The following FBXL7 variants were observed in gnomAD, a reference collection of about 807,000 sequenced individuals.
FBXL7 encodes the protein F-box/LRR-repeat protein 7.
Under a neutral mutation model 38.3 loss-of-function variants are expected in FBXL7, and 12 were observed. The observed-to-expected ratio is 0.31, with a 90% CI of 0.20 to 0.51. FBXL7 has a LOEUF of 0.51. Among genes scored for constraint, FBXL7 ranks in the 20% least tolerant of loss-of-function variants. FBXL7 has a pLI of 0.98. For missense variants in FBXL7, 567 were observed against 676.4 expected, an observed-to-expected ratio of 0.84 and a Z score of 1.79; for synonymous variants, 297 against 300.9, an observed-to-expected ratio of 0.99 and a Z score of 0.13.
intron 1 of FBXL7, among the ~76,000 whole-genome samples, chr5:15,609,197 T>C (rs189817524): frequency 1.3e-3 from 199 of 152,272 alleles, no homozygotes; most frequent in Middle Eastern, 6.8e-3. Context: ...GGGCTGCCCA[T>C]TTCACCTGCA....
At chr5:15,895,054 A>C (rs1317498150) in intron 2 of FBXL7, among the ~76,000 whole-genome samples, 1 of 152,188 alleles carries the variant, frequency 6.6e-6, no homozygotes, top group Non-Finnish European at 1.5e-5. Context: ...GTGTTTCAAA[A>C]ATAGTTCAAA....
intron 2 of FBXL7, among the ~76,000 whole-genome samples, chr5:15,747,850 T>G (rs1339037150): frequency 6.6e-6 from 1 of 152,126 alleles, no homozygotes; most frequent in Non-Finnish European, 1.5e-5. Flanking sequence ...CCACCTCTGT[T>G]CCCCACCTGG....
At chr5:15,782,000 G>T (rs1035215629) in intron 2 of FBXL7, among the ~76,000 whole-genome samples, 3 of 151,994 alleles carry the variant, frequency 2.0e-5, no homozygotes, top group African/African-American at 7.3e-5. Flanking sequence ...CCACTGACAG[G>T]CCCCTGGTGT....
At chr5:15,774,197 C>G (rs778058168) in intron 2 of FBXL7, among the ~76,000 whole-genome samples, 1 of 151,884 alleles carries the variant, frequency 6.6e-6, no homozygotes, top group Non-Finnish European at 1.5e-5. Context: ...TTCCTATGAT[C>G]CTTTTCTCAC....
intron 2 of FBXL7, among the ~76,000 whole-genome samples, chr5:15,823,416 T>C (rs1738225367): frequency 6.6e-6 from 1 of 152,204 alleles, no homozygotes; most frequent in African/African-American, 2.4e-5. Flanking sequence ...TCAAAGCATG[T>C]GTAATCTCAC....
At chr5:15,842,578 T>C (rs1214143587) in intron 2 of FBXL7, among the ~76,000 whole-genome samples, 1 of 152,106 alleles carries the variant, frequency 6.6e-6, no homozygotes, top group East Asian at 1.9e-4. Flanking sequence ...TGTAATGATA[T>C]GGTTTGGATG....
chr5:15,513,601 A>C (rs1736858250), intron 1 of FBXL7, among the ~76,000 whole-genome samples: 1 of 152,176 alleles, frequency 6.6e-6, no homozygotes, highest in African/African-American at 2.4e-5. Context: ...GATGGATGTG[A>C]TGTCTCATTG....
intron 2 of FBXL7, among the ~76,000 whole-genome samples, chr5:15,874,541 C>G (rs1335167008): frequency 6.6e-6 from 1 of 152,166 alleles, no homozygotes; most frequent in East Asian, 1.9e-4. Context: ...CCAGAAACTC[C>G]TTAAGCTGAT....
At chr5:15,826,364 A>C (rs141819904) in intron 2 of FBXL7, among the ~76,000 whole-genome samples, 3 of 152,320 alleles carry the variant, frequency 2.0e-5, no homozygotes, top group African/African-American at 7.2e-5. Context: ...TAGCGTCTAT[A>C]GGGTGTAGAA....
chr5:15,609,777 G>C (rs1265145214), intron 1 of FBXL7, among the ~76,000 whole-genome samples: 4 of 152,236 alleles, frequency 2.6e-5, no homozygotes, highest in Non-Finnish European at 5.9e-5. Context: ...GGTTCTAGCT[G>C]CTGGCTGAGC....
intron 2 of FBXL7, among the ~76,000 whole-genome samples, chr5:15,650,980 T>C (rs1741688655): frequency 6.6e-6 from 1 of 152,222 alleles, no homozygotes; most frequent in Non-Finnish European, 1.5e-5. Context: ...CCTTGAGTCA[T>C]GTTCTTAATG....
chr5:15,810,675 T>C (rs766455536), intron 2 of FBXL7, among the ~76,000 whole-genome samples: 56 of 152,214 alleles, frequency 3.7e-4, no homozygotes, highest in Non-Finnish European at 5.6e-4. Context: ...GATTTGTCCA[T>C]TGAAAGCTGT....
Position 15,778,883 on chromosome 5 carries a change from A to C in FBXL7, c.128-149007A>C, listed in dbSNP as rs567222927. ...ATGAAAGGATAATCTTGCTAGGGAT[A>C]ATGTGTTTAATAGCAGAGCACCTTC... On this transcript the variant is annotated intron_variant, in intron 2 of 3. Coordinates refer to ENST00000504595, the MANE Select transcript of FBXL7 (RefSeq NM_012304.5). Among the ~76,000 whole-genome samples, 47 of 152,290 alleles carry C rather than the reference A, an allele frequency of 3.1e-4. No homozygotes were observed. In the South Asian group the frequency reaches 9.7e-3, roughly 32 times the overall value.
chr5:15,812,972 AT>A (rs1259315833), intron 2 of FBXL7, among the ~76,000 whole-genome samples: 2 of 152,124 alleles, frequency 1.3e-5, no homozygotes, highest in Admixed American at 1.3e-4. Flanking sequence ...ATTTTTTCAC[AT>A]TGATTTTGTA....
chr5:15,776,196 G>A (rs1315715705), intron 2 of FBXL7, among the ~76,000 whole-genome samples: 7 of 151,914 alleles, frequency 4.6e-5, no homozygotes, highest in African/African-American at 1.5e-4. Context: ...GCCAACATTC[G>A]GATTAATAAA....
At chr5:15,532,537 T>C (rs1387137638) in intron 1 of FBXL7, among the ~76,000 whole-genome samples, 2 of 152,224 alleles carry the variant, frequency 1.3e-5, no homozygotes, top group Non-Finnish European at 2.9e-5. Context: ...GGTAAAACAA[T>C]TTAATTAAGG....
At chr5:15,633,690 G>C (rs1741070765) in intron 2 of FBXL7, among the ~76,000 whole-genome samples, 1 of 151,208 alleles carries the variant, frequency 6.6e-6, no homozygotes, top group African/African-American at 2.4e-5. Context: ...TGATCAGGCA[G>C]ATAGACTAGG....
At chr5:15,540,982 T>G (rs559765715) in intron 1 of FBXL7, among the ~76,000 whole-genome samples, 4 of 152,274 alleles carry the variant, frequency 2.6e-5, no homozygotes, top group Non-Finnish European at 5.9e-5. Flanking sequence ...TTTATTATGT[T>G]TTAAGATTTT....
chr5:15,798,019 A>T (rs1289029675), intron 2 of FBXL7, among the ~76,000 whole-genome samples: 1 of 152,108 alleles, frequency 6.6e-6, no homozygotes, highest in Non-Finnish European at 1.5e-5. Flanking sequence ...AGCCCAGATG[A>T]CAGAAGAGAG....
Sources: allele counts gnomAD v4.1 joint callset (sites outside exome capture counted in the v4.1 genomes callset), GRCh38; gene constraint gnomAD v4.1.1; transcripts MANE v1.5; gene names NCBI Gene and HGNC (gene_info 2026-07-23, HGNC 2026-07-21).